GPR158: variants seen among roughly 807,000 people sequenced by gnomAD.
The protein encoded by GPR158 is G protein-coupled receptor 158, also known as metabotropic glycine receptor.
A neutral mutation model predicts 78.2 loss-of-function variants in GPR158; 30 were observed. That is an observed-to-expected ratio of 0.38 (90% CI 0.29 to 0.52). GPR158 has a LOEUF of 0.52. Among genes scored for constraint, GPR158 ranks in the 20% least tolerant of loss-of-function variants. The pLI is 0.83. For missense variants in GPR158, 1,463 were observed against 1,523.5 expected, an observed-to-expected ratio of 0.96 and a Z score of 0.66; for synonymous variants, 581 against 591.1, an observed-to-expected ratio of 0.98 and a Z score of 0.25.
At chr10:25,233,764 C>G (rs1853485749) in intron 2 of GPR158, among the ~76,000 whole-genome samples, 1 of 152,126 alleles carries the variant, frequency 6.6e-6, no homozygotes, top group Admixed American at 6.5e-5. Flanking sequence ...ACTCTCCATT[C>G]TCTTATGAGT....
intron 6 of GPR158, among the ~76,000 whole-genome samples, chr10:25,569,072 A>AG (rs1161690993): frequency 6.6e-6 from 1 of 152,200 alleles, no homozygotes; most frequent in Admixed American, 6.6e-5. Context: ...TGAAATGCTT[A>AG]GATTGAAGTG....
chr10:25,280,627 C>T (rs901855991), intron 2 of GPR158, among the ~76,000 whole-genome samples: 3 of 152,284 alleles, frequency 2.0e-5, no homozygotes, highest in South Asian at 2.1e-4. Context: ...ACTCTGCAGT[C>T]TCAAATTACA....
intron 2 of GPR158, among the ~76,000 whole-genome samples, chr10:25,370,081 G>T (rs555911556): frequency 0.024 from 3,613 of 149,144 alleles, 154 homozygotes; most frequent in African/African-American, 0.084. Flanking sequence ...AGTCTTGCTA[G>T]CGGTCTATCA....
chr10:25,564,472 T>C (rs1414040), intron 6 of GPR158, among the ~76,000 whole-genome samples: 42,893 of 152,232 alleles, frequency 0.28, 10,824 homozygotes, highest in African/African-American at 0.65. Flanking sequence ...ACTAATCCAC[T>C]TGCCTTTAAA....
intron 2 of GPR158, among the ~76,000 whole-genome samples, chr10:25,235,060 A>G (rs866963991): frequency 4.6e-5 from 7 of 152,174 alleles, no homozygotes; most frequent in Non-Finnish European, 7.4e-5. Context: ...CCCCCTGTGT[A>G]ATGATATTTT....
At chr10:25,204,866 C>A (rs1429897019) in intron 1 of GPR158, among the ~76,000 whole-genome samples, 1 of 142,094 alleles carries the variant, frequency 7.0e-6, no homozygotes, top group Non-Finnish European at 1.5e-5. Context: ...TGGTAATGTC[C>A]CTGATATGGT....
In GPR158 at chr10:25,416,146, T is replaced by C. The variant is rs537444919; in HGVS notation, c.1335+3673T>C. The stretch of plus-strand genomic sequence containing the variant: ...TTAGTCTTCACTAGGTGTTTGTCTT[T>C]TGTAACATAATTTTGGACCGCTTTA... On this transcript the variant is annotated intron_variant, in intron 4 of 10. Transcript: ENST00000376351. Among the ~76,000 whole-genome samples, 6 of 152,280 alleles carry C rather than the reference T, an allele frequency of 3.9e-5. No homozygotes were observed. The South Asian group carries it at 1.2e-3, about 32-fold the overall frequency.
chr10:25,233,155 G>A (rs562281449), intron 2 of GPR158, among the ~76,000 whole-genome samples: 18 of 152,126 alleles, frequency 1.2e-4, no homozygotes, highest in Non-Finnish European at 2.5e-4. Context: ...TGGTCCATGC[G>A]CTGTCTCCAG....
chr10:25,452,303 C>T (rs1252616975), intron 4 of GPR158, among the ~76,000 whole-genome samples: 4 of 152,072 alleles, frequency 2.6e-5, no homozygotes, highest in East Asian at 1.9e-4. Context: ...GCCCCTGCCT[C>T]GCAAAATGCT....
chr10:25,431,073 G>A (rs1834896769), intron 4 of GPR158, among the ~76,000 whole-genome samples: 1 of 142,020 alleles, frequency 7.0e-6, no homozygotes, highest in South Asian at 2.4e-4. Context: ...GAGTGAACAG[G>A]CAACCTACTA....
At chr10:25,482,738 G>A (rs1008691049) in intron 5 of GPR158, among the ~76,000 whole-genome samples, 5 of 152,170 alleles carry the variant, frequency 3.3e-5, no homozygotes, top group East Asian at 1.9e-4. Context: ...TTGTATGTGC[G>A]TGTATCTATT....
intron 1 of GPR158, among the ~76,000 whole-genome samples, chr10:25,195,380 T>A (rs1367300884): frequency 6.6e-6 from 1 of 152,048 alleles, no homozygotes; most frequent in Non-Finnish European, 1.5e-5. Context: ...TAAATTTTTG[T>A]ATTTTTGTAG....
chr10:25,598,517 CGGA>C lies in GPR158; in HGVS notation c.2896_2898del (p.Glu966del). ...CCTGCCCCCCAAAACTCAAATCCTG[CGGA>C]GGAGCCAAGAAAGCCTCAGAAATCT... On this transcript the variant is annotated inframe_deletion, in exon 11 of 11. Coordinates refer to ENST00000376351, the MANE Select transcript of GPR158 (RefSeq NM_020752.3). 6.2e-7 allele frequency: 1 copy of C among 1,612,974 alleles called. No homozygotes were observed. Among genetic ancestry groups the C allele is most frequent in the Non-Finnish European group, 8.5e-7 (1 of 1,179,694 alleles).
chr10:25,214,905 G>C (rs1853185807), intron 1 of GPR158, among the ~76,000 whole-genome samples: 1 of 152,102 alleles, frequency 6.6e-6, no homozygotes, highest in African/African-American at 2.4e-5. Flanking sequence ...TAAAAGTTCT[G>C]TTGTTTAAAT....
At chr10:25,562,424 T>A (rs1404512999) in intron 6 of GPR158, among the ~76,000 whole-genome samples, 1 of 152,244 alleles carries the variant, frequency 6.6e-6, no homozygotes. Context: ...ACATTTGCAG[T>A]TATAAATTTA....
intron 2 of GPR158, among the ~76,000 whole-genome samples, chr10:25,385,715 A>G (rs1007085348): frequency 6.6e-6 from 1 of 152,048 alleles, no homozygotes; most frequent in Non-Finnish European, 1.5e-5. Flanking sequence ...TTCTCTAAGT[A>G]TTTAGTGATG....
In GPR158 at chr10:25,505,621, T is replaced by A. The variant is rs145506038; in HGVS notation, c.1404+38902T>A. Among the ~76,000 whole-genome samples, 478 of 152,314 alleles carry A rather than the reference T, an allele frequency of 3.1e-3. 3 individuals are homozygous for A. The highest frequency in any genetic ancestry group is 4.9e-3 in the Non-Finnish European group (336 of 68,024). ...ATCTTATCAACCGTATGATGAAATC[T>A]CAGCTCCTTGGTATGGTATAGTATG... On this transcript the variant is annotated intron_variant, in intron 5 of 10. Coordinates refer to ENST00000376351, the MANE Select transcript of GPR158 (RefSeq NM_020752.3).
intron 1 of GPR158, among the ~76,000 whole-genome samples, chr10:25,187,582 GC>G (rs1324780555): frequency 3.3e-5 from 5 of 152,088 alleles, no homozygotes; most frequent in Admixed American, 2.6e-4. Flanking sequence ...AAATTCAACA[GC>G]CCTTCATGCT....
At chr10:25,477,604 A>G in intron 5 of GPR158, among the ~76,000 whole-genome samples, 1 of 152,090 alleles carries the variant, frequency 6.6e-6, no homozygotes, top group East Asian at 1.9e-4. Flanking sequence ...GTAGACTATG[A>G]TTTTTAAGCT....
Sources: gnomAD v4.1 joint callset for allele counts (sites outside exome capture counted in the v4.1 genomes callset) on GRCh38, gnomAD v4.1.1 for gene constraint, MANE v1.5 for transcripts, NCBI Gene and HGNC (gene_info 2026-07-23, HGNC 2026-07-21) for gene names.